The following CC2D2A variants were observed in gnomAD, a reference collection of about 807,000 sequenced individuals.
CC2D2A encodes coiled-coil and C2 domain-containing protein 2A.
CC2D2A carries 155 observed loss-of-function variants against 212.9 expected under a neutral mutation model. The observed-to-expected ratio is 0.73, with a 90% CI of 0.64 to 0.83. CC2D2A has a LOEUF of 0.83. Among genes scored for constraint, CC2D2A ranks in the 40% least tolerant of loss-of-function variants. The probability of loss-of-function intolerance (pLI) is 0.00; values close to 1 mark genes in which losing one functional copy is unlikely to be tolerated. For missense variants in CC2D2A, 1,856 were observed against 1,956.2 expected (o/e 0.95, Z 0.97); for synonymous variants, 667 against 686.5 (o/e 0.97, Z 0.44).
At chr4:15,505,111 C>T (rs1716183580) in intron 6 of CC2D2A, among the ~76,000 whole-genome samples, 1 of 152,198 alleles carries the variant, frequency 6.6e-6, no homozygotes, top group Non-Finnish European at 1.5e-5. Context: ...TAGTACCGGG[C>T]ACATGGTCAG....
At chr4:15,592,642 C>T (rs1721161054) in intron 33 of CC2D2A, among the ~76,000 whole-genome samples, 1 of 152,150 alleles carries the variant, frequency 6.6e-6, no homozygotes, top group Non-Finnish European at 1.5e-5. Context: ...GCTCTTCTTC[C>T]CACCCCTTAA....
At chr4:15,575,042 G>T (rs976568068) in intron 29 of CC2D2A, among the ~76,000 whole-genome samples, 2 of 152,194 alleles carry the variant, frequency 1.3e-5, no homozygotes, top group African/African-American at 4.8e-5. Flanking sequence ...AATGTGTTAA[G>T]AAATAAATGT....
intron 4 of CC2D2A, among the ~76,000 whole-genome samples, chr4:15,493,269 T>TTACTTAC (rs1553822164): frequency 1.5e-4 from 22 of 150,610 alleles, no homozygotes; most frequent in African/African-American, 4.9e-4. Context: ...TATTTATTTA[T>TTACTTAC]TTACTTACTT....
chr4:15,559,027 A>T (rs958070900), intron 21 of CC2D2A, 138 bp from the exon 22 acceptor site: 4 of 656,946 alleles, frequency 6.1e-6, no homozygotes, highest in Non-Finnish European at 1.1e-5. Flanking sequence ...ACCAATTCTG[A>T]ACCAAAAGTT....
chr4:15,514,831 TGGA>T lies in CC2D2A; in HGVS notation c.843_845del (p.Met281_Glu282delinsIle), dbSNP rs1166625774. Reference sequence around the variant, plus strand: ...GAAAGCATCCATGATCGGCTGCAGATGGAAAGAGAAATGCTCTTCATACCCAGT... The same window carrying T: ...GAAAGCATCCATGATCGGCTGCAGATAAGAGAAATGCTCTTCATACCCAGT... On this transcript the variant is annotated inframe_deletion, in exon 9 of 37. Coordinates refer to ENST00000424120, the MANE Select transcript of CC2D2A (RefSeq NM_001378615.1). 1.2e-6 allele frequency: 2 copies of T among 1,613,978 alleles called. No individual in the cohort carries two copies. Among genetic ancestry groups the T allele is most frequent in the Non-Finnish European group, 1.7e-6 (2 of 1,179,844 alleles).
chr4:15,579,543 G>C (rs952084956), intron 29 of CC2D2A, among the ~76,000 whole-genome samples: 2 of 152,092 alleles, frequency 1.3e-5, no homozygotes, highest in South Asian at 4.1e-4. Flanking sequence ...CATTTAACAT[G>C]AGTTGCTTAA....
chr4:15,570,145 T>C (rs928294171), intron 27 of CC2D2A, among the ~76,000 whole-genome samples: 5 of 152,230 alleles, frequency 3.3e-5, no homozygotes, highest in African/African-American at 1.2e-4. Flanking sequence ...ACGCACATTG[T>C]CTGATTTAAT....
At chr4:15,572,034 A>G (rs1484444581) in intron 28 of CC2D2A, among the ~76,000 whole-genome samples, 2 of 152,148 alleles carry the variant, frequency 1.3e-5, no homozygotes, top group Admixed American at 6.6e-5. Flanking sequence ...GCCATAATCT[A>G]TATACTTCCC....
At chr4:15,500,715 A>G (rs1163765939) in intron 4 of CC2D2A, among the ~76,000 whole-genome samples, 1 of 152,200 alleles carries the variant, frequency 6.6e-6, no homozygotes, top group East Asian at 1.9e-4. Flanking sequence ...CTTTGCTTGC[A>G]TAAAGCAGGC....
At chr4:15,484,590 G>C (rs1403786268) in intron 4 of CC2D2A, among the ~76,000 whole-genome samples, 1 of 152,148 alleles carries the variant, frequency 6.6e-6, no homozygotes, top group Non-Finnish European at 1.5e-5. Context: ...GGGGTGGAAA[G>C]AGTGTGGGAA....
chr4:15,566,524 C>A (rs1166321899), intron 24 of CC2D2A, among the ~76,000 whole-genome samples: 2 of 152,086 alleles, frequency 1.3e-5, no homozygotes, highest in Non-Finnish European at 2.9e-5. Context: ...GTTCTCAGCA[C>A]ACAGGCCTGG....
intron 23 of CC2D2A, 87 bp from the exon 24 acceptor site, chr4:15,563,268 A>C: frequency 7.5e-7 from 1 of 1,329,254 alleles, no homozygotes; most frequent in Non-Finnish European, 1.0e-6. Context: ...CGTGTGCAGG[A>C]CCATGGGGCA....
chr4:15,482,394 C>A (rs1488888713), intron 4 of CC2D2A: 3 of 704,248 alleles, frequency 4.3e-6, no homozygotes, highest in African/African-American at 3.9e-5. Context: ...CATTTATTTT[C>A]TCATGGCTCT....
Position 15,565,303 on chromosome 4 carries a change from C to T in CC2D2A, c.3182+1781C>T, listed in dbSNP as rs945654726. On this transcript the variant is annotated intron_variant, in intron 24 of 36. Transcript: ENST00000424120. ...AGCATAGTTGATCCTACATGCTACA[C>T]ATTCAATGCAGATACATCGAGACAG... Among the ~76,000 whole-genome samples the T allele has an allele frequency of 3.3e-5, 5 of 152,112 alleles. No homozygotes were observed. The South Asian group carries it at 1.0e-3, about 32-fold the overall frequency.
chr4:15,494,017 T>C (rs1017680626), intron 4 of CC2D2A, among the ~76,000 whole-genome samples: 1 of 152,226 alleles, frequency 6.6e-6, no homozygotes, highest in Non-Finnish European at 1.5e-5. Context: ...CATGCAGTTC[T>C]TGGCCCTCCT....
intron 4 of CC2D2A, among the ~76,000 whole-genome samples, chr4:15,499,563 G>T (rs375952361): frequency 6.6e-6 from 1 of 152,270 alleles, no homozygotes; most frequent in African/African-American, 2.4e-5. Flanking sequence ...ATTCAGAAGA[G>T]ATAGTGTTTA....
chr4:15,502,775 G>A (rs200803267), intron 5 of CC2D2A, 47 bp from the exon 6 acceptor site: 25 of 1,472,818 alleles, frequency 1.7e-5, no homozygotes, highest in South Asian at 1.2e-4. Flanking sequence ...ATTATTTCTC[G>A]GCATTCCTGA....
At chr4:15,567,816 T>C (rs376451414) in intron 26 of CC2D2A, 30 bp downstream of exon 26, 5 of 1,442,958 alleles carry the variant, frequency 3.5e-6, no homozygotes, top group African/African-American at 1.4e-5. Flanking sequence ...TAAAGAACTA[T>C]AGGACATTTT....
chr4:15,505,974 A>G (rs1716234095), intron 6 of CC2D2A, among the ~76,000 whole-genome samples: 1 of 152,230 alleles, frequency 6.6e-6, no homozygotes, highest in Non-Finnish European at 1.5e-5. Flanking sequence ...TAATTATGTT[A>G]TAACAAAAGC....
Sources: gnomAD v4.1 joint callset for allele counts (sites outside exome capture counted in the v4.1 genomes callset) on GRCh38, gnomAD v4.1.1 for gene constraint, MANE v1.5 for transcripts, NCBI Gene and HGNC (gene_info 2026-07-23, HGNC 2026-07-21) for gene names.